The following ATF6 variants were observed in gnomAD, a reference collection of about 807,000 sequenced individuals.
The protein encoded by ATF6 is cyclic AMP-dependent transcription factor ATF-6 alpha.
Under a neutral mutation model 83.6 loss-of-function variants are expected in ATF6, and 53 were observed. The observed-to-expected ratio is 0.63, with a 90% CI of 0.51 to 0.80. The LOEUF (loss-of-function observed/expected upper bound fraction) is 0.80, where lower values mean the gene tolerates loss of function less well. ATF6 is among the 30% of genes least tolerant of loss of function. The probability of loss-of-function intolerance (pLI) is 0.00; values close to 1 mark genes in which losing one functional copy is unlikely to be tolerated. For missense variants in ATF6, 744 were observed against 797.9 expected (o/e 0.93, Z 0.81); for synonymous variants, 288 against 285.8 (o/e 1.01, Z -0.08).
chr1:161,936,554 G>A (rs1355488684), intron 15 of ATF6, among the ~76,000 whole-genome samples: 1 of 151,880 alleles, frequency 6.6e-6, no homozygotes, highest in African/African-American at 2.4e-5. Flanking sequence ...TATTTGTATG[G>A]GATTTTACAT....
intron 15 of ATF6, among the ~76,000 whole-genome samples, chr1:161,932,584 G>C (rs1344603774): frequency 1.3e-5 from 2 of 152,258 alleles, no homozygotes; most frequent in East Asian, 3.9e-4. Context: ...GAATTTAGCT[G>C]ATCTACTTCA....
chr1:161,766,543 C>A lies in ATF6; in HGVS notation c.82+101C>A, dbSNP rs548891834. The A allele has an allele frequency of 1.2e-4, 128 of 1,084,900 alleles. No individual in the cohort carries two copies. The African/African-American group carries it at 1.4e-3, about 12-fold the overall frequency. The allele number at this position is 1,084,900 out of a possible 1,614,324, so 67.2% of individuals were successfully genotyped here. ...CTCGTGGTGACAGGTGTGGACCAAC[C>A]CTGCCTGGGGAGTGAGGCCCCTCGT... On this transcript the variant is annotated intron_variant, in intron 1 of 15. Transcript: ENST00000367942.
chr1:161,904,293 A>G (rs187868758), intron 14 of ATF6, among the ~76,000 whole-genome samples: 2 of 152,342 alleles, frequency 1.3e-5, no homozygotes, highest in African/African-American at 4.8e-5. Context: ...AATGCACTTT[A>G]AAACTGAATG....
At chr1:161,861,302 A>C (rs1177011507) in intron 13 of ATF6, among the ~76,000 whole-genome samples, 2 of 148,114 alleles carry the variant, frequency 1.4e-5, no homozygotes, top group Non-Finnish European at 1.5e-5. Flanking sequence ...AAAAATATAG[A>C]TAGATAGATA....
chr1:161,888,802 C>G (rs16860777), intron 14 of ATF6, among the ~76,000 whole-genome samples: 21,597 of 152,002 alleles, frequency 0.14, 2,112 homozygotes, highest in East Asian at 0.32. Flanking sequence ...GCCTAAATTC[C>G]TTGGTTGGCT....
intron 3 of ATF6, among the ~76,000 whole-genome samples, chr1:161,783,428 G>A (rs997983576): frequency 1.3e-5 from 2 of 151,928 alleles, no homozygotes; most frequent in Non-Finnish European, 2.9e-5. Context: ...ATACTGCCTG[G>A]GCCATAGTTG....
At chr1:161,951,209 G>A (rs1221552299) in intron 15 of ATF6, among the ~76,000 whole-genome samples, 1 of 152,230 alleles carries the variant, frequency 6.6e-6, no homozygotes, top group African/African-American at 2.4e-5. Flanking sequence ...AGTCATTGTT[G>A]ATGGTTATGA....
At chr1:161,812,125 T>G (rs1202575462) in intron 7 of ATF6, among the ~76,000 whole-genome samples, 1 of 152,142 alleles carries the variant, frequency 6.6e-6, no homozygotes, top group Non-Finnish European at 1.5e-5. Flanking sequence ...GGCACTTTTC[T>G]AAGTGCATAA....
intron 14 of ATF6, among the ~76,000 whole-genome samples, chr1:161,878,773 T>C (rs1260348798): frequency 6.6e-6 from 1 of 152,150 alleles, no homozygotes; most frequent in Non-Finnish European, 1.5e-5. Context: ...GGATTGGTTT[T>C]CACTGGATAT....
chr1:161,878,130 T>G (rs1439492839), intron 14 of ATF6, among the ~76,000 whole-genome samples: 1 of 152,060 alleles, frequency 6.6e-6, no homozygotes, highest in Non-Finnish European at 1.5e-5. Context: ...ATTTATTTAT[T>G]TGGAGACGAG....
rs2101928338 is a variant in ATF6 at position 161,961,650 on chromosome 1, T to G, written c.*2996T>G. 1 of 152,174 alleles carries G rather than the reference T, an allele frequency of 6.6e-6. No individual in the cohort carries two copies. The highest frequency in any genetic ancestry group is 2.1e-4 in the South Asian group (1 of 4,810). The allele number at this position is 152,174 out of a possible 1,614,324, so 9.4% of individuals were successfully genotyped here. On this transcript the variant is annotated 3_prime_UTR_variant, in exon 16 of 16. Coordinates refer to ENST00000367942, the MANE Select transcript of ATF6 (RefSeq NM_007348.4). Reference sequence around the variant, plus strand: ...GTGGGTAATGTGTGTATTTTTTTATTTATTAAATTTTAAACAGGATTGTGC... The same window carrying G: ...GTGGGTAATGTGTGTATTTTTTTATGTATTAAATTTTAAACAGGATTGTGC...
intron 14 of ATF6, among the ~76,000 whole-genome samples, chr1:161,881,876 TA>T (rs1241245483): frequency 3.9e-5 from 6 of 152,280 alleles, no homozygotes; most frequent in African/African-American, 1.2e-4. Flanking sequence ...TATTTTCTCA[TA>T]TTTTTTTTCT....
chr1:161,889,617 T>C (rs192555054), intron 14 of ATF6, among the ~76,000 whole-genome samples: 1 of 152,352 alleles, frequency 6.6e-6, no homozygotes, highest in Non-Finnish European at 1.5e-5. Flanking sequence ...TTGTGCCAGA[T>C]ACAATGGAAA....
At chr1:161,868,022 A>C (rs954995439) in intron 14 of ATF6, among the ~76,000 whole-genome samples, 10 of 152,252 alleles carry the variant, frequency 6.6e-5, no homozygotes, top group Admixed American at 6.5e-4. Context: ...AAAGAAGCAC[A>C]GGAAACTGGC....
intron 14 of ATF6, among the ~76,000 whole-genome samples, chr1:161,871,858 G>A (rs1007462987): frequency 2.0e-5 from 3 of 151,560 alleles, no homozygotes; most frequent in African/African-American, 7.3e-5. Flanking sequence ...GTTTGTGTGT[G>A]TGTGTGCTTT....
intron 1 of ATF6, 42 bp from the exon 2 acceptor site, chr1:161,778,202 T>C: frequency 1.3e-6 from 2 of 1,522,484 alleles, no homozygotes; most frequent in Non-Finnish European, 1.8e-6. Context: ...TGTCAAATAA[T>C]TGAATTGACA....
chr1:161,898,837 C>T (rs371705204), intron 14 of ATF6, among the ~76,000 whole-genome samples: 5 of 152,108 alleles, frequency 3.3e-5, no homozygotes, highest in Admixed American at 6.5e-5. Flanking sequence ...TGTGAGCCAC[C>T]GTGCCAGGCC....
rs2101728283 is a variant in ATF6, at chr1:161,782,012, T to C, written c.247+13T>C. ...CAAATCTGTACAGGTAATTATGTGT[T>C]TCACTGGTAAAAGTTTTAAAAAGAT... On this transcript the variant is annotated intron_variant, in intron 3 of 15. Coordinates refer to ENST00000367942, the MANE Select transcript of ATF6 (RefSeq NM_007348.4). The C allele has an allele frequency of 6.4e-7, 1 of 1,550,596 alleles. No homozygotes were observed. The highest frequency in any genetic ancestry group is 8.8e-7 in the Non-Finnish European group (1 of 1,136,856).
At chr1:161,810,508 T>G (rs1405124758) in intron 7 of ATF6, among the ~76,000 whole-genome samples, 1 of 152,168 alleles carries the variant, frequency 6.6e-6, no homozygotes, top group East Asian at 1.9e-4. Flanking sequence ...CAAATCTAGA[T>G]CATATCACAC....
Sources: gnomAD v4.1 joint callset for allele counts (sites outside exome capture counted in the v4.1 genomes callset) on GRCh38, gnomAD v4.1.1 for gene constraint, MANE v1.5 for transcripts, NCBI Gene and HGNC (gene_info 2026-07-23, HGNC 2026-07-21) for gene names.